Variants in CCDC91 observed in about 807,000 individuals in gnomAD.
CCDC91 encodes the protein coiled-coil domain-containing protein 91.
CCDC91 carries 48 observed loss-of-function variants against 63.2 expected under a neutral mutation model. The observed-to-expected ratio is 0.76, with a 90% CI of 0.60 to 0.97. The LOEUF (loss-of-function observed/expected upper bound fraction) is 0.97, where lower values mean the gene tolerates loss of function less well. CCDC91 is among the 50% of genes least tolerant of loss of function. The pLI is 0.00. For missense variants in CCDC91, 500 were observed against 494.6 expected, an observed-to-expected ratio of 1.01 and a Z score of -0.10; for synonymous variants, 167 against 165.8, an observed-to-expected ratio of 1.01 and a Z score of -0.06.
chr12:28,295,169 A>C lies in CCDC91; in HGVS notation c.110-10480A>C, dbSNP rs60628337. Among the ~76,000 whole-genome samples, 797 of 152,246 alleles carry C rather than the reference A, an allele frequency of 5.2e-3. 7 individuals carry two copies. In the Middle Eastern group the frequency reaches 0.058, roughly 11 times the overall value. On this transcript the variant is annotated intron_variant, in intron 3 of 12. Coordinates refer to ENST00000536442, the MANE Select transcript of CCDC91 (RefSeq NM_018318.5). ...TGGACCTCCATTTGCAATTTATTTC[A>C]ATATTTGTTCACTCTCTATAAATTT...
chr12:28,431,298 T>G (rs1190054186), intron 8 of CCDC91, among the ~76,000 whole-genome samples: 1 of 152,136 alleles, frequency 6.6e-6, no homozygotes, highest in Non-Finnish European at 1.5e-5. Context: ...CATTGCTTGA[T>G]CCATTGATTA....
At chr12:28,374,406 C>T (rs1237908281) in intron 7 of CCDC91, among the ~76,000 whole-genome samples, 1 of 152,030 alleles carries the variant, frequency 6.6e-6, no homozygotes, top group Non-Finnish European at 1.5e-5. Context: ...TGTTCTTTTG[C>T]ATGAATAATT....
At chr12:28,213,906 G>T (rs1363523687) in intron 1 of CCDC91, among the ~76,000 whole-genome samples, 1 of 152,118 alleles carries the variant, frequency 6.6e-6, no homozygotes, top group Non-Finnish European at 1.5e-5. Flanking sequence ...TTGAAAGGCT[G>T]GTGCAGGATT....
intron 11 of CCDC91, among the ~76,000 whole-genome samples, chr12:28,480,932 A>T (rs1951411890): frequency 6.6e-6 from 1 of 152,024 alleles, no homozygotes; most frequent in Non-Finnish European, 1.5e-5. Context: ...GATTTAATGG[A>T]TGCTAAAGCA....
At position 28,549,411 on chromosome 12, in the gene CCDC91, T is replaced by G; in HGVS notation, c.*238T>G. ...TATTAGTAGTAGCAGCAACAGAGTATGATATGACCCAAAAGCCATTGTAAA... is the reference window on the plus strand; with the variant it reads ...TATTAGTAGTAGCAGCAACAGAGTAGGATATGACCCAAAAGCCATTGTAAA... On this transcript the variant is annotated 3_prime_UTR_variant, in exon 13 of 13. Transcript: ENST00000536442. The G allele has an allele frequency of 3.3e-6, 1 of 302,836 alleles. No individual in the cohort carries two copies. Among genetic ancestry groups the G allele is most frequent in the Non-Finnish European group, 6.2e-6 (1 of 161,286 alleles). 18.8% of individuals were successfully genotyped at this position (302,836 alleles called of 1,614,324 possible).
At chr12:28,298,896 A>T (rs1158777413) in intron 3 of CCDC91, among the ~76,000 whole-genome samples, 1 of 151,432 alleles carries the variant, frequency 6.6e-6, no homozygotes, top group East Asian at 1.9e-4. Flanking sequence ...AGATTCAGTC[A>T]TGTTGTTTCA....
chr12:28,285,664 CTG>C (rs1314365914), intron 3 of CCDC91, among the ~76,000 whole-genome samples: 1 of 151,070 alleles, frequency 6.6e-6, no homozygotes, highest in Non-Finnish European at 1.5e-5. Flanking sequence ...CAGTGTTTAT[CTG>C]TGTTTCTTTA....
chr12:28,484,949 TA>T (rs1157251989), intron 12 of CCDC91, among the ~76,000 whole-genome samples: 2 of 151,398 alleles, frequency 1.3e-5, no homozygotes, highest in Admixed American at 6.6e-5. Context: ...TTTGTGCAAA[TA>T]TATAATATAT....
intron 8 of CCDC91, among the ~76,000 whole-genome samples, chr12:28,433,254 C>T (rs1001050182): frequency 1.3e-5 from 2 of 151,610 alleles, no homozygotes; most frequent in Admixed American, 6.6e-5. Context: ...TGTGTGTGTG[C>T]GAATTGTGCC....
chr12:28,500,264 T>C (rs1952566113), intron 12 of CCDC91, among the ~76,000 whole-genome samples: 1 of 152,020 alleles, frequency 6.6e-6, no homozygotes, highest in South Asian at 2.1e-4. Flanking sequence ...GATGGATAGA[T>C]TGCAAAAATT....
chr12:28,534,548 T>TA (rs989430582), intron 12 of CCDC91, among the ~76,000 whole-genome samples: 1 of 152,136 alleles, frequency 6.6e-6, no homozygotes, highest in African/African-American at 2.4e-5. Flanking sequence ...ATCCAGCACT[T>TA]ATGATTTTTT....
At chr12:28,450,279 G>A (rs909606186) in intron 9 of CCDC91, 26 bp downstream of exon 9, 3 of 1,581,414 alleles carry the variant, frequency 1.9e-6, no homozygotes, top group Non-Finnish European at 1.7e-6. Context: ...TGCTCAGAGT[G>A]TAGAAAGAAT....
intron 1 of CCDC91, among the ~76,000 whole-genome samples, chr12:28,204,538 C>T (rs763090342): frequency 1.6e-4 from 25 of 152,286 alleles, no homozygotes; most frequent in Non-Finnish European, 2.8e-4. Flanking sequence ...TCACACTCAT[C>T]ATGAATTTAA....
chr12:28,296,160 T>G (rs1444642300), intron 3 of CCDC91, among the ~76,000 whole-genome samples: 1 of 151,574 alleles, frequency 6.6e-6, no homozygotes, highest in African/African-American at 2.4e-5. Flanking sequence ...ATTTTTTATT[T>G]TTTAAATTTT....
chr12:28,453,063 A>G (rs190410496), intron 11 of CCDC91, among the ~76,000 whole-genome samples: 10 of 152,080 alleles, frequency 6.6e-5, no homozygotes, highest in Non-Finnish European at 8.8e-5. Flanking sequence ...CAATTAATTT[A>G]TAATTCTAAT....
chr12:28,303,126 A>G (rs1365746637), intron 3 of CCDC91, among the ~76,000 whole-genome samples: 2 of 152,150 alleles, frequency 1.3e-5, no homozygotes, highest in Non-Finnish European at 2.9e-5. Context: ...CTAAAGAAAG[A>G]TAAGATCAGA....
chr12:28,363,286 C>G (rs928712069), intron 7 of CCDC91, among the ~76,000 whole-genome samples: 1 of 151,998 alleles, frequency 6.6e-6, no homozygotes, highest in African/African-American at 2.4e-5. Context: ...TGTTATCTTA[C>G]TAAATTTACT....
chr12:28,538,471 A>G (rs375014828), intron 12 of CCDC91, among the ~76,000 whole-genome samples: 20 of 151,672 alleles, frequency 1.3e-4, no homozygotes, highest in Admixed American at 4.6e-4. Context: ...ATTCCATGGT[A>G]TATATGTGCC....
At chr12:28,515,922 A>G (rs1190726311) in intron 12 of CCDC91, among the ~76,000 whole-genome samples, 2 of 151,920 alleles carry the variant, frequency 1.3e-5, no homozygotes, top group Non-Finnish European at 2.9e-5. Flanking sequence ...CCTCAAAGGG[A>G]ACTACTTTCT....
Sources: gnomAD v4.1 joint callset for allele counts (sites outside exome capture counted in the v4.1 genomes callset) on GRCh38, gnomAD v4.1.1 for gene constraint, MANE v1.5 for transcripts, NCBI Gene and HGNC (gene_info 2026-07-23, HGNC 2026-07-21) for gene names.